The following TUBG1 variants were observed in gnomAD, a reference collection of about 807,000 sequenced individuals.
TUBG1 encodes tubulin gamma 1, also known as tubulin gamma-1 chain.
A neutral mutation model predicts 53.3 loss-of-function variants in TUBG1; 22 were observed. That is an observed-to-expected ratio of 0.41 (90% CI 0.29 to 0.59). TUBG1 has a LOEUF of 0.59. Ranked by LOEUF, TUBG1 falls within the 20% of genes least tolerant of loss-of-function variation. TUBG1 has a pLI of 0.26. For synonymous variants in TUBG1, 198 were observed against 236.7 expected (o/e 0.84, Z 1.50); for missense variants, 217 against 598.9 (o/e 0.36, Z 6.66).
rs1275336428 is a variant in TUBG1 at position 42,613,043 on chromosome 17, CAAG to C, written c.578_580del (p.Lys193del). On this transcript the variant is annotated inframe_deletion, in exon 6 of 11. Coordinates refer to ENST00000251413, the MANE Select transcript of TUBG1 (RefSeq NM_001070.5). ...AGCCTTACAATTCACTCCTCACACT[CAAG>C]AGGCTGACGCAGAATGCAGACTGTG... The C allele has an allele frequency of 1.2e-5, 20 of 1,614,012 alleles. No individual in the cohort carries two copies. The highest frequency in any genetic ancestry group is 1.7e-5 in the Non-Finnish European group (20 of 1,180,018).
chr17:42,611,035 G>A (rs147913982), intron 3 of TUBG1: 1,709 of 153,378 alleles, frequency 0.011, 13 homozygotes, highest in Non-Finnish European at 0.017. Flanking sequence ...GCAGTGGCAC[G>A]CTCTCAGCTC....
In TUBG1 at chr17:42,615,135, G is replaced by C; in HGVS notation, c.*94G>C. The C allele has an allele frequency of 8.0e-7, 1 of 1,253,096 alleles. No homozygotes were observed. The highest frequency in any genetic ancestry group is 1.1e-6 in the Non-Finnish European group (1 of 883,658). The allele number at this position is 1,253,096 out of a possible 1,614,324, so 77.6% of individuals were successfully genotyped here. Reference sequence around the variant, plus strand: ...TCAGAGCACAGATCAGGGACCTCACGCATCTCTTTCTCATATACATGGACT... The same window carrying C: ...TCAGAGCACAGATCAGGGACCTCACCCATCTCTTTCTCATATACATGGACT... On this transcript the variant is annotated 3_prime_UTR_variant, in exon 11 of 11. Transcript: ENST00000251413.
At chr17:42,612,584 C>T in intron 5 of TUBG1, 78 bp downstream of exon 5, 2 of 1,327,764 alleles carry the variant, frequency 1.5e-6, no homozygotes, top group South Asian at 1.2e-5. Flanking sequence ...AGATATAACT[C>T]CATATTTGCT....
intron 6 of TUBG1, 44 bp downstream of exon 6, chr17:42,613,117 C>T: frequency 6.3e-7 from 1 of 1,596,882 alleles, no homozygotes. Context: ...ACACCCCATA[C>T]CCACTCGAGT....
At chr17:42,612,811 G>A (rs2052046826) in intron 5 of TUBG1, 136 bp from the exon 6 acceptor site, 1 of 1,230,800 alleles carries the variant, frequency 8.1e-7, no homozygotes, top group Non-Finnish European at 1.1e-6. Flanking sequence ...CAAAAGTCAA[G>A]GCTCCCTTCT....
chr17:42,612,001 T>C lies in TUBG1; in HGVS notation c.331-74T>C. 3 of 1,399,966 alleles carry C rather than the reference T, an allele frequency of 2.1e-6. No individual in the cohort carries two copies. In the Admixed American group the frequency reaches 5.1e-5, roughly 24 times the overall value. 86.7% of individuals were successfully genotyped at this position (1,399,966 alleles called of 1,614,324 possible). A position where few individuals can be genotyped will look rare whatever the true frequency, so the allele number is the denominator to read the frequency against. ...GACTTCTGGGTGTTATAAGGAGAAT[T>C]GAGGGTGGCTTTTCTGAGGTCAGAG... is the stretch of plus-strand genomic sequence containing the variant. On this transcript the variant is annotated intron_variant, in intron 3 of 10. Coordinates refer to ENST00000251413, the MANE Select transcript of TUBG1 (RefSeq NM_001070.5).
intron 5 of TUBG1, among the ~76,000 whole-genome samples, 183 bp downstream of exon 5, chr17:42,612,689 G>C (rs145227680): frequency 2.2e-4 from 34 of 152,242 alleles, no homozygotes; most frequent in East Asian, 1.4e-3. Flanking sequence ...GTGGGAACTG[G>C]AGCCTAGAAC....
intron 5 of TUBG1, 115 bp downstream of exon 5, chr17:42,612,621 C>A: frequency 1.0e-6 from 1 of 1,003,182 alleles, no homozygotes; most frequent in Non-Finnish European, 1.5e-6. Flanking sequence ...CTTATATTCC[C>A]TCCTATAGAG....
chr17:42,613,446 A>AG (rs911805423), intron 6 of TUBG1, among the ~76,000 whole-genome samples: 1 of 152,182 alleles, frequency 6.6e-6, no homozygotes, highest in Non-Finnish European at 1.5e-5. Context: ...AAAAAAAAAA[A>AG]CTGTTTAAAT....
Position 42,611,811 on chromosome 17 carries a change from G to A in TUBG1, c.331-264G>A, listed in dbSNP as rs1414368584. On this transcript the variant is annotated intron_variant, in intron 3 of 10. Coordinates refer to ENST00000251413, the MANE Select transcript of TUBG1 (RefSeq NM_001070.5). ...ACGGAGGTTGCCATGAGCCAAGATC[G>A]CGCCACTGCACTCCAGCCTGGGAGA... Among the ~76,000 whole-genome samples, 5 of 151,182 alleles carry A rather than the reference G, an allele frequency of 3.3e-5. No homozygotes were observed. In the South Asian group the frequency reaches 1.1e-3, roughly 32 times the overall value.
chr17:42,611,392 T>C (rs2143450611), intron 3 of TUBG1: 1 of 152,352 alleles, frequency 6.6e-6, no homozygotes, highest in African/African-American at 2.4e-5. Flanking sequence ...TAATATATAG[T>C]ATATATACCA....
At chr17:42,611,404 A>G (rs1419519743) in intron 3 of TUBG1, 1 of 152,292 alleles carries the variant, frequency 6.6e-6, no homozygotes, top group Non-Finnish European at 1.5e-5. Context: ...TATATACCAT[A>G]ATACCTTTCT....
chr17:42,614,052 C>G lies in TUBG1; in HGVS notation c.843+54C>G. 6.2e-7 allele frequency: 1 copy of G among 1,611,098 alleles called. No homozygotes were observed. The highest frequency in any genetic ancestry group is 8.5e-7 in the Non-Finnish European group (1 of 1,178,282). ...AGGCCGGCCCTGGGCCCAACAGGCC[C>G]TGTCCTAGCCTTTCTCTCTTCCCCA... On this transcript the variant is annotated intron_variant, in intron 8 of 10. Transcript: ENST00000251413. This position sits in a 1 kb window ranked among gnomAD's most constrained non-coding sequence, Gnocchi z 5.1.
rs1194468908 is a variant in TUBG1 at position 42,612,520 on chromosome 17, TG to T, written c.479+18del. The T allele has an allele frequency of 1.1e-5, 17 of 1,613,776 alleles. No individual in the cohort carries two copies. The highest frequency in any genetic ancestry group is 1.3e-5 in the Non-Finnish European group (15 of 1,179,844). ...GCTGAATGACAGGTAAGTTTGTGTTTGGGGATTAGGAAAGGTCTCCAACTTG... is the reference window on the plus strand; with the variant it reads ...GCTGAATGACAGGTAAGTTTGTGTTTGGGATTAGGAAAGGTCTCCAACTTG... On this transcript the variant is annotated intron_variant, in intron 5 of 10. Coordinates refer to ENST00000251413, the MANE Select transcript of TUBG1 (RefSeq NM_001070.5).
chr17:42,612,347 T>C, intron 4 of TUBG1, 80 bp from the exon 5 acceptor site: 2 of 1,505,474 alleles, frequency 1.3e-6, no homozygotes, highest in Non-Finnish European at 1.8e-6. Flanking sequence ...AAAATGGGAG[T>C]CCTAAAAAAC....
Position 42,615,043 on chromosome 17 carries a change from TC to T in TUBG1, c.*7del. 6.2e-7 allele frequency: 1 copy of T among 1,613,674 alleles called. No individual in the cohort carries two copies. Among genetic ancestry groups the T allele is most frequent in the East Asian group, 2.2e-5 (1 of 44,836 alleles). Reference sequence around the variant, plus strand: ...TCCTGGGGCACCCAGGAGCAGTGAGTCCCCCAGGACAGGGACCCTCATCTGC... The same window carrying T: ...TCCTGGGGCACCCAGGAGCAGTGAGTCCCCAGGACAGGGACCCTCATCTGC... On this transcript the variant is annotated 3_prime_UTR_variant, in exon 11 of 11. Transcript: ENST00000251413.
chr17:42,612,246 C>T (rs2052042080), intron 4 of TUBG1, 103 bp downstream of exon 4: 2 of 1,359,574 alleles, frequency 1.5e-6, no homozygotes, highest in African/African-American at 1.4e-5. Context: ...GTACCCTTTG[C>T]ACTGGACAGA....
At chr17:42,610,308 A>C (rs1305111479) in intron 2 of TUBG1, 88 bp downstream of exon 2, 1 of 1,590,436 alleles carries the variant, frequency 6.3e-7, no homozygotes, top group Non-Finnish European at 8.6e-7. Flanking sequence ...CCCGCTGGGC[A>C]GTAGGGCCAG....
intron 2 of TUBG1, 52 bp from the exon 3 acceptor site, chr17:42,610,371 G>T: frequency 6.6e-7 from 1 of 1,514,164 alleles, no homozygotes; most frequent in African/African-American, 1.4e-5. Flanking sequence ...GGAGGACTTC[G>T]GACTTGGGCC....
Sources: allele counts gnomAD v4.1 joint callset (sites outside exome capture counted in the v4.1 genomes callset), GRCh38; gene constraint gnomAD v4.1.1; non-coding constraint Gnocchi (gnomAD v3.1); transcripts MANE v1.5; gene names NCBI Gene and HGNC (gene_info 2026-07-23, HGNC 2026-07-21).